TAFA2: variants seen among roughly 807,000 people sequenced by gnomAD.
The protein encoded by TAFA2 is chemokine-like protein TAFA-2.
In TAFA2, 7 loss-of-function variants were observed where a neutral mutation model predicts 18.8. The observed-to-expected ratio is 0.37, with a 90% CI of 0.21 to 0.70. The LOEUF is 0.70. Ranked by LOEUF, TAFA2 falls within the 30% of genes least tolerant of loss-of-function variation. TAFA2 has a pLI of 0.53. For synonymous variants in TAFA2, 60 were observed against 54.2 expected, an observed-to-expected ratio of 1.11 and a Z score of -0.47; for missense variants, 122 against 158.1, an observed-to-expected ratio of 0.77 and a Z score of 1.23.
chr12:61,986,887 G>T (rs1203707338), intron 1 of TAFA2, among the ~76,000 whole-genome samples: 1 of 152,144 alleles, frequency 6.6e-6, no homozygotes, highest in African/African-American at 2.4e-5. Context: ...TTGGGGAGAA[G>T]ACAAGTAGAC....
intron 1 of TAFA2, among the ~76,000 whole-genome samples, chr12:61,941,757 C>T (rs1022268866): frequency 2.0e-4 from 31 of 152,312 alleles, no homozygotes; most frequent in South Asian, 4.2e-4. Context: ...GCTTAAAAAA[C>T]GGCACACCAC....
At chr12:62,136,636 G>A (rs1870906113) in intron 1 of TAFA2, among the ~76,000 whole-genome samples, 1 of 152,098 alleles carries the variant, frequency 6.6e-6, no homozygotes, top group Admixed American at 6.6e-5. Context: ...TTTATAATTA[G>A]CAGTGGTTGA....
At chr12:62,257,201 T>TGTGTGTGTGTGTGTGA in intron 1 of TAFA2, among the ~76,000 whole-genome samples, 1 of 115,068 alleles carries the variant, frequency 8.7e-6, no homozygotes, top group Non-Finnish European at 1.9e-5. Context: ...TGTGTGTGTG[T>TGTGTGTGTGTGTGTGA]GATTTGCTAA....
intron 1 of TAFA2, among the ~76,000 whole-genome samples, chr12:62,008,095 C>G (rs909707702): frequency 6.6e-6 from 1 of 152,088 alleles, no homozygotes; most frequent in Non-Finnish European, 1.5e-5. Flanking sequence ...CTGTGTCTAG[C>G]TTATTTCACT....
intron 1 of TAFA2, among the ~76,000 whole-genome samples, chr12:61,972,945 G>A (rs1165436679): frequency 6.6e-6 from 1 of 151,628 alleles, no homozygotes; most frequent in Admixed American, 6.6e-5. Context: ...TGATACTTTA[G>A]AAACGATTTT....
chr12:61,751,251 C>T (rs750532648), intron 4 of TAFA2, among the ~76,000 whole-genome samples: 12 of 152,090 alleles, frequency 7.9e-5, no homozygotes, highest in Non-Finnish European at 1.8e-4. Context: ...AAACTTTTTG[C>T]TTCATTTGTA....
Position 62,152,742 on chromosome 12 carries a change from T to C in TAFA2, c.-2+38517A>G, listed in dbSNP as rs1430355294. The stretch of plus-strand genomic sequence containing the variant: ...CTTTTGCCCAAATCACCAGCATTAT[T>C]GTGGCTCTAAAAGACATATATTTAA... On this transcript the variant is annotated intron_variant, in intron 1 of 4. Transcript: ENST00000416284. 3.3e-5 allele frequency among the ~76,000 whole-genome samples: 5 copies of C among 152,292 alleles called. No homozygotes were observed. In the East Asian group the frequency reaches 9.6e-4, roughly 29 times the overall value.
At chr12:61,711,756 C>A (rs1869418480) in intron 4 of TAFA2, among the ~76,000 whole-genome samples, 1 of 151,842 alleles carries the variant, frequency 6.6e-6, no homozygotes, top group African/African-American at 2.4e-5. Context: ...GGAAGGAGTT[C>A]TTTGCCTGCA....
intron 2 of TAFA2, among the ~76,000 whole-genome samples, chr12:61,769,202 G>A (rs1006226166): frequency 6.6e-6 from 1 of 151,904 alleles, no homozygotes; most frequent in Admixed American, 6.6e-5. Context: ...CACCAAAGGA[G>A]GGTCTGAGCT....
intron 1 of TAFA2, among the ~76,000 whole-genome samples, chr12:61,995,286 G>A (rs1043701977): frequency 3.3e-5 from 5 of 151,930 alleles, no homozygotes; most frequent in East Asian, 1.9e-4. Context: ...GAGCCTTTAC[G>A]CTTCCTATAC....
intron 1 of TAFA2, among the ~76,000 whole-genome samples, chr12:62,075,936 ACT>A (rs1438664200): frequency 1.3e-5 from 2 of 151,900 alleles, no homozygotes; most frequent in Admixed American, 6.6e-5. Context: ...TCTTCCTTAC[ACT>A]CTTTTTATTT....
Position 62,257,177 on chromosome 12 carries a change from T to TATATATACACA in TAFA2, c.-130+1585_-130+1586insTGTGTATATAT, listed in dbSNP as rs1565789922. Among the ~76,000 whole-genome samples the TATATATACACA allele has an allele frequency of 5.0e-4, 67 of 134,226 alleles. 1 individual carries two copies. The South Asian group carries it at 0.011, about 23-fold the overall frequency. The allele number at this position is 134,226 out of a possible 152,430, so 88.1% of individuals were successfully genotyped here. ...ATACATATATATGTGTGTGTGTGTG[T>TATATATACACA]GTGTGTGTGTGTGTGTGTGTGTGTG... On this transcript the variant is annotated intron_variant, in intron 1 of 5. Coordinates refer to the TAFA2 transcript ENST00000551619.
chr12:61,723,931 T>C (rs1870019583), intron 4 of TAFA2, among the ~76,000 whole-genome samples: 1 of 152,106 alleles, frequency 6.6e-6, no homozygotes, highest in Non-Finnish European at 1.5e-5. Flanking sequence ...ACAATTACCC[T>C]ACACCAAGGA....
chr12:61,727,671 T>A (rs1870235296), intron 4 of TAFA2, among the ~76,000 whole-genome samples: 1 of 152,078 alleles, frequency 6.6e-6, no homozygotes, highest in Non-Finnish European at 1.5e-5. Flanking sequence ...AAGAATCAGC[T>A]TTTTGTTTCA....
At chr12:62,090,573 G>C (rs934147036) in intron 1 of TAFA2, among the ~76,000 whole-genome samples, 4 of 151,972 alleles carry the variant, frequency 2.6e-5, no homozygotes, top group Admixed American at 6.6e-5. Context: ...TCAAGAAATC[G>C]TTGGGGACAG....
At chr12:62,125,082 A>G (rs532707836) in intron 1 of TAFA2, among the ~76,000 whole-genome samples, 1 of 152,288 alleles carries the variant, frequency 6.6e-6, no homozygotes, top group South Asian at 2.1e-4. Flanking sequence ...TTTCATGTAC[A>G]TAGAAAGAGG....
intron 1 of TAFA2, among the ~76,000 whole-genome samples, chr12:61,990,597 C>T (rs1052380821): frequency 7.3e-6 from 1 of 137,788 alleles, no homozygotes; most frequent in Non-Finnish European, 1.6e-5. Context: ...CCTCGGCCTC[C>T]CAAAGTGCTG....
intron 1 of TAFA2, among the ~76,000 whole-genome samples, chr12:62,152,408 T>C (rs2062334605): frequency 6.6e-6 from 1 of 152,108 alleles, no homozygotes. Context: ...ACCACGAAAA[T>C]GTGATGAATC....
intron 1 of TAFA2, among the ~76,000 whole-genome samples, chr12:62,204,444 T>C (rs750855503): frequency 3.9e-5 from 6 of 152,082 alleles, no homozygotes; most frequent in Non-Finnish European, 8.8e-5. Flanking sequence ...TCCAATCCCC[T>C]TGTCTCTTTC....
Sources: allele counts gnomAD v4.1 joint callset (sites outside exome capture counted in the v4.1 genomes callset), GRCh38; gene constraint gnomAD v4.1.1; transcripts MANE v1.5; gene names NCBI Gene and HGNC (gene_info 2026-07-23, HGNC 2026-07-21).